AUTS2: variants seen among roughly 807,000 people sequenced by gnomAD.
The protein encoded by AUTS2 is autism susceptibility gene 2 protein.
In AUTS2, 17 loss-of-function variants were observed where a neutral mutation model predicts 112.4. The ratio of observed to expected loss-of-function variants is 0.15; its 90% CI spans 0.10 to 0.23. The LOEUF (loss-of-function observed/expected upper bound fraction) is 0.23, where lower values mean the gene tolerates loss of function less well. AUTS2 is among the 10% of genes least tolerant of loss of function. AUTS2 has a pLI of 1.00. For missense variants in AUTS2, 1,510 were observed against 1,701.6 expected (o/e 0.89, Z 1.98); for synonymous variants, 751 against 702.7 (o/e 1.07, Z -1.09).
At chr7:70,300,231 A>T (rs1181589630) in intron 4 of AUTS2, among the ~76,000 whole-genome samples, 1 of 152,210 alleles carries the variant, frequency 6.6e-6, no homozygotes, top group Non-Finnish European at 1.5e-5. Flanking sequence ...ACGATAGCTG[A>T]TGAGCTAGAA....
chr7:69,652,812 G>A (rs1293065533), intron 1 of AUTS2, among the ~76,000 whole-genome samples: 1 of 152,218 alleles, frequency 6.6e-6, no homozygotes, highest in South Asian at 2.1e-4. Context: ...TGTGAAAAAA[G>A]TAATAGTAAA....
chr7:70,582,929 AT>A (rs1395447334), intron 5 of AUTS2, among the ~76,000 whole-genome samples: 2 of 151,960 alleles, frequency 1.3e-5, no homozygotes, highest in Non-Finnish European at 2.9e-5. Flanking sequence ...TGTCTAGACA[AT>A]TTTTTTTGGC....
intron 2 of AUTS2, among the ~76,000 whole-genome samples, chr7:69,989,650 C>A (rs942917260): frequency 4.6e-5 from 7 of 152,120 alleles, no homozygotes; most frequent in African/African-American, 1.4e-4. Context: ...TAATTTACTG[C>A]TACCTTTCAG....
intron 13 of AUTS2, among the ~76,000 whole-genome samples, chr7:70,775,620 G>GT (rs1790637601): frequency 6.6e-6 from 1 of 151,964 alleles, no homozygotes; most frequent in African/African-American, 2.4e-5. Context: ...AAGTCAACGA[G>GT]TCCGATCTCT....
chr7:70,135,060 A>C (rs1365480715), intron 4 of AUTS2, among the ~76,000 whole-genome samples: 1 of 152,144 alleles, frequency 6.6e-6, no homozygotes, highest in South Asian at 2.1e-4. Context: ...GTTTGCCTTT[A>C]GGTTTTTCTT....
At chr7:70,775,500 G>T (rs1790627382) in intron 13 of AUTS2, 114 bp downstream of exon 13, 4 of 845,576 alleles carry the variant, frequency 4.7e-6, no homozygotes, top group Non-Finnish European at 7.5e-6. Context: ...TAAGACATTG[G>T]AATGACGGTG....
chr7:70,127,668 C>T (rs1213873284), intron 3 of AUTS2, among the ~76,000 whole-genome samples: 2 of 152,144 alleles, frequency 1.3e-5, no homozygotes, highest in Admixed American at 6.6e-5. Flanking sequence ...GGGTTCAGAT[C>T]GTTCAAGGAA....
At chr7:69,939,914 A>G (rs946985905) in intron 2 of AUTS2, among the ~76,000 whole-genome samples, 1 of 152,218 alleles carries the variant, frequency 6.6e-6, no homozygotes, top group African/African-American at 2.4e-5. Context: ...TTGACATTGC[A>G]TGTATAATGG....
intron 1 of AUTS2, among the ~76,000 whole-genome samples, chr7:69,614,368 T>TTTCTTTCCTTTCTTTTCTTTC: frequency 5.1e-5 from 1 of 19,536 alleles, no homozygotes; most frequent in African/African-American, 1.9e-4. Flanking sequence ...TTCTTTCTTT[T>TTTCTTTCCTTTCTTTTCTTTC]TTTAAGAGAT....
chr7:69,727,937 A>G (rs1457925544), intron 1 of AUTS2, among the ~76,000 whole-genome samples: 4 of 152,202 alleles, frequency 2.6e-5, no homozygotes, highest in Non-Finnish European at 5.9e-5. Flanking sequence ...AATCAGAATC[A>G]TTTAGAAATG....
At chr7:69,897,671 C>T (rs1204787071) in intron 1 of AUTS2, among the ~76,000 whole-genome samples, 3 of 151,618 alleles carry the variant, frequency 2.0e-5, no homozygotes, top group South Asian at 2.1e-4. Flanking sequence ...GGCAGGGAAT[C>T]GCTTGAACTG....
intron 4 of AUTS2, among the ~76,000 whole-genome samples, chr7:70,289,439 G>A (rs187010557): frequency 2.6e-5 from 4 of 152,192 alleles, no homozygotes; most frequent in African/African-American, 9.7e-5. Context: ...CCTTCTGTGT[G>A]GAAGGTACTG....
intron 5 of AUTS2, among the ~76,000 whole-genome samples, chr7:70,566,921 G>C (rs1466679141): frequency 1.3e-5 from 2 of 152,098 alleles, no homozygotes; most frequent in Non-Finnish European, 2.9e-5. Flanking sequence ...AATTCCCTGG[G>C]AGCTCAGAGT....
At chr7:70,247,985 A>AT (rs1213599746) in intron 4 of AUTS2, among the ~76,000 whole-genome samples, 5 of 151,972 alleles carry the variant, frequency 3.3e-5, no homozygotes, top group Non-Finnish European at 5.9e-5. Flanking sequence ...TGATGATGTG[A>AT]TTTTCTTCTA....
intron 5 of AUTS2, among the ~76,000 whole-genome samples, chr7:70,464,960 C>A (rs1296488299): frequency 1.3e-5 from 2 of 152,146 alleles, no homozygotes; most frequent in African/African-American, 4.8e-5. Flanking sequence ...CCTCTGCCTC[C>A]CTCCATCTGG....
intron 3 of AUTS2, among the ~76,000 whole-genome samples, chr7:70,130,309 A>C (rs1375831486): frequency 6.6e-6 from 1 of 152,224 alleles, no homozygotes; most frequent in Admixed American, 6.5e-5. Flanking sequence ...TGAATGGAGC[A>C]CATCTATTTT....
chr7:70,313,221 G>A (rs879913754), intron 4 of AUTS2, among the ~76,000 whole-genome samples: 1 of 152,148 alleles, frequency 6.6e-6, no homozygotes, highest in Non-Finnish European at 1.5e-5. Flanking sequence ...GCAGTTTGAC[G>A]AGGACCTGCA....
intron 2 of AUTS2, among the ~76,000 whole-genome samples, chr7:69,992,358 CTT>C (rs1453213561): frequency 1.3e-5 from 2 of 152,138 alleles, no homozygotes; most frequent in Non-Finnish European, 2.9e-5. Context: ...CTACTGGAAA[CTT>C]TACAGACTGG....
At chr7:69,642,049 A>C (rs768481885) in intron 1 of AUTS2, among the ~76,000 whole-genome samples, 1 of 152,214 alleles carries the variant, frequency 6.6e-6, no homozygotes, top group Non-Finnish European at 1.5e-5. Flanking sequence ...TAACCTTCCA[A>C]TAACTGAGGG....
Sources: gnomAD v4.1 joint callset for allele counts (sites outside exome capture counted in the v4.1 genomes callset) on GRCh38, gnomAD v4.1.1 for gene constraint, MANE v1.5 for transcripts, NCBI Gene and HGNC (gene_info 2026-07-23, HGNC 2026-07-21) for gene names.